ADGRV1: variants seen among roughly 807,000 people sequenced by gnomAD.
ADGRV1 encodes the protein G-protein coupled receptor 98.
A neutral mutation model predicts 596.2 loss-of-function variants in ADGRV1; 359 were observed. That is an observed-to-expected ratio of 0.60 (90% CI 0.55 to 0.66). The LOEUF (loss-of-function observed/expected upper bound fraction) is 0.66. ADGRV1 is among the 30% of genes least tolerant of loss of function. The probability of loss-of-function intolerance (pLI) is 0.00; values close to 1 mark genes in which losing one functional copy is unlikely to be tolerated. For missense variants in ADGRV1, 7,274 were observed against 7,575.6 expected, an observed-to-expected ratio of 0.96 and a Z score of 1.48; for synonymous variants, 2,681 against 2,679.2, an observed-to-expected ratio of 1.00 and a Z score of -0.02.
intron 4 of ADGRV1, among the ~76,000 whole-genome samples, chr5:90,620,409 G>A (rs1474617270): frequency 2.6e-5 from 4 of 152,194 alleles, no homozygotes; most frequent in Non-Finnish European, 5.9e-5. Context: ...CTTTTGAGAA[G>A]TGTCTGTTCA....
At chr5:90,770,928 C>CT (rs987820313) in intron 59 of ADGRV1, among the ~76,000 whole-genome samples, 1 of 152,098 alleles carries the variant, frequency 6.6e-6, no homozygotes. Context: ...GTAACTTGCT[C>CT]TTTTTACTTT....
intron 87 of ADGRV1, among the ~76,000 whole-genome samples, chr5:91,128,377 C>T (rs528825639): frequency 6.6e-6 from 1 of 151,974 alleles, no homozygotes; most frequent in East Asian, 1.9e-4. Context: ...TGAGATGTAG[C>T]CCCATCATAA....
intron 85 of ADGRV1, among the ~76,000 whole-genome samples, chr5:91,036,334 C>A (rs773249695): frequency 6.6e-6 from 1 of 151,796 alleles, no homozygotes; most frequent in African/African-American, 2.4e-5. Context: ...GCCTGGTGGG[C>A]GGATCACTAG....
intron 34 of ADGRV1, among the ~76,000 whole-genome samples, chr5:90,700,491 A>C (rs935552473): frequency 6.6e-6 from 1 of 152,188 alleles, no homozygotes; most frequent in African/African-American, 2.4e-5. Flanking sequence ...TAATGGACAG[A>C]ATTTAGAAAT....
intron 21 of ADGRV1, among the ~76,000 whole-genome samples, chr5:90,660,516 C>T (rs1770109677): frequency 7.1e-6 from 1 of 141,354 alleles, no homozygotes; most frequent in Admixed American, 7.8e-5. Flanking sequence ...GTTGCAATGA[C>T]ATTGACAATT....
chr5:91,048,463 A>T (rs1786025051), intron 85 of ADGRV1, among the ~76,000 whole-genome samples: 1 of 152,140 alleles, frequency 6.6e-6, no homozygotes, highest in African/African-American at 2.4e-5. Flanking sequence ...CCTCTCTCTC[A>T]CACTGGAGAT....
rs1057519383 is a variant in ADGRV1, at chr5:90,790,948, G to T, written c.14119G>T (p.Asp4707Tyr). ...CACCAGTGGATTTTTCACCATTGCT[G>T]ATGGAGAGAGTGAAGCTAGCTTTGA... The part of the protein sequence containing the change: ...LSTSGFFTIA[D>Y]GESEASFDVH... Residue 4707 changes from aspartate (D) to tyrosine (Y), a missense_variant, in exon 70 of 90, where the codon GAT becomes TAT. Coordinates refer to ENST00000405460, the MANE Select transcript of ADGRV1 (RefSeq NM_032119.4). 1.9e-6 allele frequency: 3 copies of T among 1,612,826 alleles called. No homozygotes were observed. The Middle Eastern group carries it at 5.8e-4, about 311-fold the overall frequency.
rs57330847 is a variant in ADGRV1 at position 91,042,431 on chromosome 5, C to G, written c.18153-30016C>G. ...GACATGCCTACCTTGGATGTTCAAA[C>G]AAATGTTATATTGCCTAAGCAGGAT... On this transcript the variant is annotated intron_variant, in intron 85 of 89. Coordinates refer to ENST00000405460, the MANE Select transcript of ADGRV1 (RefSeq NM_032119.4). 7.2e-3 allele frequency among the ~76,000 whole-genome samples: 1,095 copies of G among 152,286 alleles called. 19 individuals carry two copies. The highest frequency in any genetic ancestry group is 0.024 in the African/African-American group (1,006 of 41,552).
intron 85 of ADGRV1, among the ~76,000 whole-genome samples, chr5:90,999,934 G>A (rs1781723896): frequency 6.6e-6 from 1 of 152,086 alleles, no homozygotes; most frequent in Non-Finnish European, 1.5e-5. Context: ...TTTGAGGTTT[G>A]TATTATTTAC....
intron 85 of ADGRV1, among the ~76,000 whole-genome samples, chr5:90,989,367 C>T (rs1780777157): frequency 6.6e-6 from 1 of 152,216 alleles, no homozygotes; most frequent in Non-Finnish European, 1.5e-5. Context: ...CACTATCCAC[C>T]CACATACACA....
At chr5:90,765,401 T>C (rs568343045) in intron 59 of ADGRV1, among the ~76,000 whole-genome samples, 1 of 151,342 alleles carries the variant, frequency 6.6e-6, no homozygotes, top group South Asian at 2.1e-4. Flanking sequence ...TGGAAATCCA[T>C]ATGCATGATG....
At chr5:90,697,700 ATTCT>A (rs142089331) in intron 34 of ADGRV1, among the ~76,000 whole-genome samples, 5,191 of 152,176 alleles carry the variant, frequency 0.034, 171 homozygotes, top group African/African-American at 0.09. Context: ...ATTTTCTTGA[ATTCT>A]TACTTAATAT....
intron 87 of ADGRV1, among the ~76,000 whole-genome samples, chr5:91,146,959 C>T (rs1022557909): frequency 6.6e-6 from 1 of 151,992 alleles, no homozygotes; most frequent in Non-Finnish European, 1.5e-5. Flanking sequence ...CTCAGGGATT[C>T]AAGACCAGCC....
intron 83 of ADGRV1, among the ~76,000 whole-genome samples, chr5:90,900,955 C>A (rs893331829): frequency 3.4e-5 from 5 of 149,200 alleles, no homozygotes; most frequent in African/African-American, 1.0e-4. Flanking sequence ...AGATTTTTTC[C>A]CCTGACTAAT....
chr5:91,097,843 A>C (rs1167210674), intron 86 of ADGRV1, among the ~76,000 whole-genome samples: 1 of 152,054 alleles, frequency 6.6e-6, no homozygotes, highest in African/African-American at 2.4e-5. Flanking sequence ...GCATTTTTTC[A>C]TGTGATTATT....
intron 72 of ADGRV1, 24 bp downstream of exon 72, chr5:90,805,482 G>T: frequency 6.5e-7 from 1 of 1,535,476 alleles, no homozygotes. Flanking sequence ...TTTCTAAGAT[G>T]AGTCCTGTAG....
rs59523008 is a variant in ADGRV1, at chr5:91,149,831, C to CAAAA, written c.18433-184_18433-181dup. On this transcript the variant is annotated intron_variant, in intron 87 of 89. Coordinates refer to ENST00000405460, the MANE Select transcript of ADGRV1 (RefSeq NM_032119.4). Reference sequence around the variant, plus strand: ...TCGGTGACAGAATAAAACTCCAGCTCAAAAAAAAAAAAAAAAAAGAGAAAG... The same window carrying CAAAA: ...TCGGTGACAGAATAAAACTCCAGCTCAAAAAAAAAAAAAAAAAAAAAAGAGAAAG... Among the ~76,000 whole-genome samples the CAAAA allele has an allele frequency of 0.038, 3,275 of 85,832 alleles. 269 individuals are homozygous for CAAAA. The highest frequency in any genetic ancestry group is 0.16 in the African/African-American group (3,026 of 19,352). 56.3% of individuals were successfully genotyped at this position (85,832 alleles called of 152,430 possible).
chr5:90,756,863 A>C (rs1581018877), intron 56 of ADGRV1, 116 bp from the exon 57 acceptor site: 1 of 873,144 alleles, frequency 1.1e-6, no homozygotes, highest in East Asian at 2.6e-5. Context: ...TCTGACTATT[A>C]ATTTCTACTT....
intron 83 of ADGRV1, among the ~76,000 whole-genome samples, chr5:90,958,663 G>A (rs1277500445): frequency 1.3e-5 from 2 of 152,100 alleles, no homozygotes; most frequent in Non-Finnish European, 2.9e-5. Flanking sequence ...TTGTCTTCAC[G>A]TGGTCTTTCT....
Sources: gnomAD v4.1 joint callset for allele counts (sites outside exome capture counted in the v4.1 genomes callset) on GRCh38, gnomAD v4.1.1 for gene constraint, MANE v1.5 for transcripts, NCBI Gene and HGNC (gene_info 2026-07-23, HGNC 2026-07-21) for gene names.